AKAP9: variants seen among roughly 807,000 people sequenced by gnomAD.
AKAP9 encodes the protein A-kinase anchor protein 9.
A neutral mutation model predicts 488.5 loss-of-function variants in AKAP9; 311 were observed. The observed-to-expected ratio is 0.64, with a 90% confidence interval of 0.58 to 0.70. The LOEUF is 0.70. Ranked by LOEUF, AKAP9 falls within the 30% of genes least tolerant of loss-of-function variation. The pLI is 0.00. For synonymous variants in AKAP9, 1,462 were observed against 1,483.5 expected (o/e 0.99, Z 0.33); for missense variants, 4,215 against 4,374.5 (o/e 0.96, Z 1.03).
At chr7:92,040,638 G>A in intron 17 of AKAP9, 36 bp from the exon 18 acceptor site, 1 of 1,386,468 alleles carries the variant, frequency 7.2e-7, no homozygotes. Context: ...ATGTGTTATG[G>A]TTGAATTGTT....
chr7:91,998,617 T>G (rs1291072869), intron 7 of AKAP9, among the ~76,000 whole-genome samples: 1 of 151,898 alleles, frequency 6.6e-6, no homozygotes, highest in African/African-American at 2.4e-5. Context: ...TAAATGATAC[T>G]GTTTTATGAA....
In AKAP9 at chr7:92,042,749, C is replaced by G. The variant is rs1563037409; in HGVS notation, c.5140C>G (p.Pro1714Ala). 6.2e-7 allele frequency: 1 copy of G among 1,610,808 alleles called. No homozygotes were observed. ...AGACAGAAAACCTGAAGATGTGCCT[C>G]CTGAGATTTTGTCTAATGAAAGGTA... ...ELDRKPEDVP[P>A]EILSNERYAL... Residue 1714 changes from proline to alanine, a missense_variant, in exon 20 of 50, where the codon CCT becomes GCT. Around this residue, in one of 5 missense-constraint regions of AKAP9, gnomAD observed 2,361 missense variants for 2,430.0 expected, o/e 0.97. Coordinates refer to ENST00000356239, the MANE Select transcript of AKAP9 (RefSeq NM_005751.5).
At chr7:92,082,225 G>A (rs1330537458) in intron 31 of AKAP9, among the ~76,000 whole-genome samples, 3 of 152,164 alleles carry the variant, frequency 2.0e-5, no homozygotes, top group Non-Finnish European at 4.4e-5. Context: ...GTGAGCCACC[G>A]TGCCTGGCCT....
intron 10 of AKAP9, among the ~76,000 whole-genome samples, chr7:92,015,860 A>C (rs1801440084): frequency 6.6e-6 from 1 of 152,202 alleles, no homozygotes; most frequent in Non-Finnish European, 1.5e-5. Flanking sequence ...TTAAAGTATA[A>C]GATAAATTTT....
At chr7:91,957,143 AAT>A (rs1793122106) in intron 1 of AKAP9, among the ~76,000 whole-genome samples, 2 of 152,160 alleles carry the variant, frequency 1.3e-5, no homozygotes. Context: ...GCTGTTTACT[AAT>A]AGTTTTAGAT....
At chr7:92,088,656 C>T (rs764353642) in intron 37 of AKAP9, among the ~76,000 whole-genome samples, 10 of 151,998 alleles carry the variant, frequency 6.6e-5, no homozygotes, top group Non-Finnish European at 1.2e-4. Flanking sequence ...GGAGTTTCTT[C>T]GTGGTGAGAA....
chr7:92,030,982 T>G (rs1389528449), intron 15 of AKAP9, among the ~76,000 whole-genome samples: 1 of 152,236 alleles, frequency 6.6e-6, no homozygotes, highest in African/African-American at 2.4e-5. Flanking sequence ...TCTGCTATAC[T>G]CATCCCATGT....
chr7:91,977,630 G>A (rs6972637), intron 2 of AKAP9, among the ~76,000 whole-genome samples: 143,268 of 152,338 alleles, frequency 0.94, 67,487 homozygotes, highest in East Asian at 1. Flanking sequence ...CCTCAGGGAC[G>A]GTTTCTATTG....
rs1563110125 is a variant in AKAP9, at chr7:92,082,524, A to G, written c.8022A>G (p.Thr2674=). 6.2e-7 allele frequency: 1 copy of G among 1,613,690 alleles called. No individual in the cohort carries two copies. Among genetic ancestry groups the G allele is most frequent in the East Asian group, 2.2e-5 (1 of 44,816 alleles). The part of the protein sequence containing the change: ...RSPQDVEVLK[T]TTELFHSNEE... ...CTTGTGTTTCCGCTGTCATTCAGAC[A>G]ACTACTGAGCTATTTCATAGCAATG... The change falls in exon 32 of 50, where the codon ACA becomes ACG. Residue 2674 remains threonine, a splice_region_variant and synonymous_variant. Transcript: ENST00000356239.
At position 92,066,601 on chromosome 7, in the gene AKAP9, T is replaced by C. The variant is rs1584399756; in HGVS notation, c.6330+55T>C. 8 of 1,594,648 alleles carry C rather than the reference T, an allele frequency of 5.0e-6. No homozygotes were observed. The Admixed American group carries it at 1.0e-4, about 20-fold the overall frequency. On this transcript the variant is annotated intron_variant, in intron 26 of 49. Coordinates refer to ENST00000356239, the MANE Select transcript of AKAP9 (RefSeq NM_005751.5). The stretch of plus-strand genomic sequence containing the variant: ...ACAGTAATTTGTATCAAGTGTAAAA[T>C]AAGATGCATATCATTAAAAACTTAA...
Position 92,102,740 on chromosome 7 carries a change from T to C in AKAP9, c.11244T>C (p.Ala3748=). ...ALLARMGGQP[A]FTDLEVITNR... is the part of the protein sequence containing the mutation. Reference sequence around the variant, plus strand: ...TTGCCCGGATGGGGGGGCAGCCAGCTTTCACGGATCTAGAGGTGATCACCA... The same window carrying C: ...TTGCCCGGATGGGGGGGCAGCCAGCCTTCACGGATCTAGAGGTGATCACCA... The change falls in exon 46 of 50, where the codon GCT becomes GCC. Residue 3748 remains alanine (A), a synonymous_variant. Coordinates refer to ENST00000356239, the MANE Select transcript of AKAP9 (RefSeq NM_005751.5). 6.2e-7 allele frequency: 1 copy of C among 1,614,190 alleles called. No individual in the cohort carries two copies.
intron 3 of AKAP9, among the ~76,000 whole-genome samples, chr7:91,981,068 A>T (rs1796352620): frequency 6.6e-6 from 1 of 152,234 alleles, no homozygotes; most frequent in African/African-American, 2.4e-5. Flanking sequence ...GCTACTTTAG[A>T]AGTTAATGTG....
intron 7 of AKAP9, chr7:91,996,037 C>T: frequency 2.3e-6 from 1 of 430,470 alleles, no homozygotes; most frequent in Non-Finnish European, 4.1e-6. Flanking sequence ...CAGGAAAATA[C>T]AAATTTATAG....
Position 92,077,691 on chromosome 7 carries a change from C to T in AKAP9, c.6766-5C>T. On this transcript the variant is annotated splice_polypyrimidine_tract_variant and splice_region_variant and intron_variant, in intron 29 of 49. Coordinates refer to ENST00000356239, the MANE Select transcript of AKAP9 (RefSeq NM_005751.5). ...TCCAACTGTGATAATTATTTTTGTT[C>T]CTAGGATGACATGGAGAAACTGGGA... The T allele has an allele frequency of 1.2e-6, 2 of 1,612,460 alleles. No homozygotes were observed. Among genetic ancestry groups the T allele is most frequent in the South Asian group, 2.2e-5 (2 of 91,026 alleles).
chr7:91,977,216 C>T (rs1795808120), intron 2 of AKAP9, among the ~76,000 whole-genome samples: 1 of 152,072 alleles, frequency 6.6e-6, no homozygotes, highest in African/African-American at 2.4e-5. Context: ...GCTGTGATCA[C>T]ACCAGTGCAC....
chr7:92,056,410 A>T (rs777509436), intron 22 of AKAP9, among the ~76,000 whole-genome samples: 3 of 151,898 alleles, frequency 2.0e-5, no homozygotes, highest in Non-Finnish European at 4.4e-5. Flanking sequence ...AGCATCTGGG[A>T]TATTGACAAC....
At position 92,077,759 on chromosome 7, in the gene AKAP9, CAT is replaced by C; in HGVS notation, c.6830_6831del (p.His2277ArgfsTer18). ...ESDAMSTQDQ[H>X]VLFGKFAQII... is the part of the protein sequence containing the mutation. ...TGATGCCATGTCTACTCAAGACCAACATGTGCTATTTGGGAAATTTGCTCAAA... is the reference window on the plus strand; with the variant it reads ...TGATGCCATGTCTACTCAAGACCAACGTGCTATTTGGGAAATTTGCTCAAA... On this transcript the variant is annotated frameshift_variant, in exon 30 of 50. Transcript: ENST00000356239. LOFTEE classifies it high-confidence loss of function. 6.2e-7 allele frequency: 1 copy of C among 1,613,828 alleles called. No homozygotes were observed. The highest frequency in any genetic ancestry group is 2.2e-5 in the East Asian group (1 of 44,814).
chr7:92,059,468 TTTTCTC>T (rs1160748653), intron 22 of AKAP9, among the ~76,000 whole-genome samples: 2 of 151,826 alleles, frequency 1.3e-5, no homozygotes, highest in Non-Finnish European at 3.0e-5. Context: ...GAAAACAAGT[TTTTCTC>T]TTGTGGTTTT....
intron 29 of AKAP9, 138 bp downstream of exon 29, chr7:92,077,145 G>A: frequency 3.5e-6 from 1 of 281,840 alleles, no homozygotes; most frequent in African/African-American, 2.4e-5. Flanking sequence ...GCCCAGGCTG[G>A]AGTGCAATGG....
Sources: gnomAD v4.1 joint callset for allele counts (sites outside exome capture counted in the v4.1 genomes callset) on GRCh38, gnomAD v4.1.1 for gene constraint, gnomAD v4.1.1 regional missense constraint, MANE v1.5 for transcripts, NCBI Gene and HGNC (gene_info 2026-07-23, HGNC 2026-07-21) for gene names.